DNAH14: variants seen among roughly 807,000 people sequenced by gnomAD.
DNAH14 encodes the protein axonemal beta dynein heavy chain 14.
In DNAH14, 478 loss-of-function variants were observed where a neutral mutation model predicts 520.9. That is an observed-to-expected ratio of 0.92 (90% confidence interval 0.85 to 0.99). DNAH14 has a LOEUF of 0.99. DNAH14 is among the 50% of genes least tolerant of loss of function. The probability of loss-of-function intolerance (pLI) is 0.00; values close to 1 mark genes in which losing one functional copy is unlikely to be tolerated. For missense variants in DNAH14, 4,831 were observed against 5,234.5 expected, an observed-to-expected ratio of 0.92 and a Z score of 2.38; for synonymous variants, 1,581 against 1,757.2, an observed-to-expected ratio of 0.90 and a Z score of 2.51.
At chr1:225,147,357 G>C (rs1025911848) in intron 31 of DNAH14, 108 bp downstream of exon 31, 1 of 1,216,978 alleles carries the variant, frequency 8.2e-7, no homozygotes, top group Non-Finnish European at 1.1e-6. Flanking sequence ...GGTCTTTGGG[G>C]TGTTTTTTTT....
chr1:225,111,316 T>G (rs1016278270), intron 23 of DNAH14, among the ~76,000 whole-genome samples: 8 of 152,224 alleles, frequency 5.3e-5, no homozygotes, highest in Non-Finnish European at 5.9e-5. Flanking sequence ...GCATTTATAT[T>G]TATATGCACC....
intron 1 of DNAH14, among the ~76,000 whole-genome samples, chr1:224,946,915 C>CTT (rs746576812): frequency 0.033 from 3,559 of 108,208 alleles, 176 homozygotes; most frequent in Non-Finnish European, 0.052. Context: ...GTTTCATCTA[C>CTT]TTTTTTTTTT....
intron 41 of DNAH14, among the ~76,000 whole-genome samples, chr1:225,217,009 T>A (rs890309578): frequency 9.8e-5 from 15 of 152,318 alleles, no homozygotes; most frequent in African/African-American, 3.4e-4. Flanking sequence ...GCTTTTCTGC[T>A]CTGGTTTCTC....
At position 225,265,166 on chromosome 1, in the gene DNAH14, A is replaced by T. The variant is rs543609686; in HGVS notation, c.7223-16A>T. On this transcript the variant is annotated splice_polypyrimidine_tract_variant and intron_variant, in intron 47 of 85. Transcript: ENST00000682510. ...TGTCCTAAATTTGTTTTTTCTTTCTATGTTTGGCATCACAGATAATCCCAC... is the reference window on the plus strand; with the variant it reads ...TGTCCTAAATTTGTTTTTTCTTTCTTTGTTTGGCATCACAGATAATCCCAC... 7.0e-7 allele frequency: 1 copy of T among 1,429,922 alleles called. No homozygotes were observed. The highest frequency in any genetic ancestry group is 3.6e-5 in the Admixed American group (1 of 28,032). 88.6% of individuals were successfully genotyped at this position (1,429,922 alleles called of 1,614,324 possible). A position where few individuals can be genotyped will look rare whatever the true frequency, so the allele number is the denominator to read the frequency against.
intron 27 of DNAH14, among the ~76,000 whole-genome samples, chr1:225,126,038 T>C (rs1372433787): frequency 1.3e-5 from 2 of 152,152 alleles, no homozygotes; most frequent in African/African-American, 2.4e-5. Context: ...ACAAACAGCA[T>C]TTATCAATTA....
rs1297422590 is a variant in DNAH14 at position 225,380,209 on chromosome 1, T to G, written c.12767T>G (p.Leu4256Arg). 1.3e-6 allele frequency: 2 copies of G among 1,551,668 alleles called. No homozygotes were observed. The highest frequency in any genetic ancestry group is 1.2e-5 in the South Asian group (1 of 84,048). ...ELVMEILSDLLKRLPLTVEKE... is the reference protein window; with the variant it reads ...ELVMEILSDLRKRLPLTVEKE... ...GTGATGGAAATTCTATCCGACTTGCTAAAGCGGCTGCCACTGACAGTGGAG... is the reference window on the plus strand; with the variant it reads ...GTGATGGAAATTCTATCCGACTTGCGAAAGCGGCTGCCACTGACAGTGGAG... The change falls in exon 80 of 86, where the codon CTA becomes CGA. Residue 4256 changes from leucine (L) to arginine (R), a missense_variant. Leu to Arg is a moderately radical substitution (Grantham distance 102). Transcript: ENST00000682510.
intron 23 of DNAH14, among the ~76,000 whole-genome samples, chr1:225,102,698 G>A (rs903846302): frequency 4.6e-5 from 7 of 152,188 alleles, no homozygotes; most frequent in African/African-American, 1.7e-4. Context: ...CTTTTGAGAA[G>A]TGTCTGTTCA....
intron 54 of DNAH14, among the ~76,000 whole-genome samples, chr1:225,288,033 A>G (rs2093787309): frequency 6.6e-6 from 1 of 152,176 alleles, no homozygotes; most frequent in Admixed American, 6.5e-5. Context: ...AGATATCCAC[A>G]TAATGTACGT....
At chr1:225,111,035 G>A (rs189609708) in intron 23 of DNAH14, among the ~76,000 whole-genome samples, 42 of 151,990 alleles carry the variant, frequency 2.8e-4, no homozygotes, top group Non-Finnish European at 5.0e-4. Flanking sequence ...TTGTTTTGTG[G>A]CCTAACATAT....
At chr1:225,363,538 C>T (rs2095517044) in intron 75 of DNAH14, among the ~76,000 whole-genome samples, 4 of 152,136 alleles carry the variant, frequency 2.6e-5, no homozygotes, top group Admixed American at 2.6e-4. Flanking sequence ...CCCTAAATCT[C>T]CTTTAATCTA....
intron 23 of DNAH14, among the ~76,000 whole-genome samples, chr1:225,107,412 CTT>C (rs1243915736): frequency 2.6e-5 from 4 of 152,116 alleles, no homozygotes; most frequent in African/African-American, 9.7e-5. Context: ...AACTGAGTTC[CTT>C]TTACCTAACA....
intron 17 of DNAH14, among the ~76,000 whole-genome samples, chr1:225,068,173 C>T (rs1423761459): frequency 1.3e-5 from 2 of 152,118 alleles, no homozygotes; most frequent in Non-Finnish European, 2.9e-5. Flanking sequence ...TATGGCTAGC[C>T]AGTTATCCCA....
chr1:225,006,391 G>A (rs975127731), intron 9 of DNAH14, among the ~76,000 whole-genome samples: 2 of 152,262 alleles, frequency 1.3e-5, no homozygotes, highest in East Asian at 1.9e-4. Flanking sequence ...CTGCAGGGCC[G>A]GGCAGAACAG....
At chr1:225,364,761 T>C in intron 75 of DNAH14, 31 bp from the exon 76 acceptor site, 1 of 1,441,762 alleles carries the variant, frequency 6.9e-7, no homozygotes, top group Non-Finnish European at 9.3e-7. Flanking sequence ...ATTTTTCACA[T>C]TAAAATATTT....
intron 22 of DNAH14, among the ~76,000 whole-genome samples, chr1:225,099,708 C>T (rs1006198989): frequency 6.6e-6 from 1 of 152,048 alleles, no homozygotes; most frequent in Non-Finnish European, 1.5e-5. Context: ...CTACTTAGAG[C>T]AGGAGCTTAA....
rs200947823 is a variant in DNAH14 at position 225,395,325 on chromosome 1, GTC to G, written c.13491+2877_13491+2878del. 1.1e-3 allele frequency among the ~76,000 whole-genome samples: 170 copies of G among 152,312 alleles called. 4 individuals carry two copies. In the East Asian group the frequency reaches 0.028, roughly 25 times the overall value. On this transcript the variant is annotated intron_variant, in intron 84 of 85. Coordinates refer to ENST00000682510, the MANE Select transcript of DNAH14 (RefSeq NM_001367479.1). ...TCTGTAGGATTAGGCCGGGCGCGGT[GTC>G]TCACACCTGTAATCCCAGCACTTTG...
intron 30 of DNAH14, among the ~76,000 whole-genome samples, chr1:225,146,453 T>G (rs1203827499): frequency 6.6e-6 from 1 of 152,248 alleles, no homozygotes; most frequent in African/African-American, 2.4e-5. Context: ...GTTTTGTTGC[T>G]TTGTTTTAGT....
intron 21 of DNAH14, among the ~76,000 whole-genome samples, chr1:225,090,834 G>T (rs771423864): frequency 5.9e-5 from 9 of 152,038 alleles, no homozygotes; most frequent in Non-Finnish European, 1.2e-4. Context: ...CTTCAATATG[G>T]CACCAAAAGC....
intron 71 of DNAH14, among the ~76,000 whole-genome samples, chr1:225,350,670 C>T (rs1401086347): frequency 6.6e-6 from 1 of 151,798 alleles, no homozygotes; most frequent in Non-Finnish European, 1.5e-5. Context: ...GGATAAATTC[C>T]TTGTAGTCTA....
Sources: allele counts gnomAD v4.1 joint callset (sites outside exome capture counted in the v4.1 genomes callset), GRCh38; gene constraint gnomAD v4.1.1; transcripts MANE v1.5; gene names NCBI Gene and HGNC (gene_info 2026-07-23, HGNC 2026-07-21).